Variants in CDH13 observed in about 807,000 individuals in gnomAD.
CDH13 encodes the protein cadherin-13.
A neutral mutation model predicts 63.8 loss-of-function variants in CDH13; 24 were observed. The observed-to-expected ratio is 0.38, with a 90% CI of 0.27 to 0.53. The LOEUF (loss-of-function observed/expected upper bound fraction) is 0.53, where lower values mean the gene tolerates loss of function less well. Ranked by LOEUF, CDH13 falls within the 20% of genes least tolerant of loss-of-function variation. The pLI, the probability that CDH13 is intolerant of heterozygous loss-of-function variation, is 0.85. For synonymous variants in CDH13, 503 were observed against 355.3 expected, an observed-to-expected ratio of 1.42 and a Z score of -4.67; for missense variants, 1,049 against 903.1, an observed-to-expected ratio of 1.16 and a Z score of -2.07.
chr16:82,702,506 C>T (rs1321174775), intron 1 of CDH13, among the ~76,000 whole-genome samples: 1 of 152,140 alleles, frequency 6.6e-6, no homozygotes, highest in East Asian at 1.9e-4. Context: ...TGATTCTGGA[C>T]TTGCCATTCA....
At chr16:83,185,972 G>A (rs764160922) in intron 4 of CDH13, among the ~76,000 whole-genome samples, 1 of 151,988 alleles carries the variant, frequency 6.6e-6, no homozygotes, top group Non-Finnish European at 1.5e-5. Flanking sequence ...ATTGTCTAAT[G>A]GAAGAAAAGA....
intron 6 of CDH13, among the ~76,000 whole-genome samples, chr16:83,407,764 G>T (rs982677035): frequency 1.3e-5 from 2 of 152,118 alleles, no homozygotes; most frequent in Admixed American, 6.5e-5. Context: ...AAAAATTATT[G>T]TTCTCCTAAA....
At chr16:82,999,412 T>C (rs1388071580) in intron 2 of CDH13, among the ~76,000 whole-genome samples, 1 of 152,130 alleles carries the variant, frequency 6.6e-6, no homozygotes, top group Admixed American at 6.5e-5. Context: ...TTCAGTTCTC[T>C]TAACAGGGAA....
At chr16:82,799,843 A>G (rs66513368) in intron 1 of CDH13, among the ~76,000 whole-genome samples, 13,262 of 152,230 alleles carry the variant, frequency 0.087, 657 homozygotes, top group South Asian at 0.11. Context: ...GTCTCTGCCT[A>G]TCTACTGATG....
chr16:82,910,235 T>C (rs2041786496), intron 2 of CDH13, among the ~76,000 whole-genome samples: 1 of 152,180 alleles, frequency 6.6e-6, no homozygotes. Context: ...TCATGCAGAC[T>C]TTGGAACTAC....
intron 6 of CDH13, among the ~76,000 whole-genome samples, chr16:83,461,296 A>G (rs2073175986): frequency 1.3e-5 from 2 of 152,152 alleles, no homozygotes; most frequent in Admixed American, 1.3e-4. Context: ...TCAGCTATGT[A>G]ACATTTATCA....
intron 5 of CDH13, among the ~76,000 whole-genome samples, chr16:83,258,722 G>T (rs1292541341): frequency 2.0e-5 from 3 of 152,206 alleles, no homozygotes. Context: ...ACCAACAGGG[G>T]TGTTTGTATG....
Position 83,365,645 on chromosome 16 carries a change from G to A in CDH13, c.781+20639G>A, listed in dbSNP as rs145828265. Among the ~76,000 whole-genome samples the A allele has an allele frequency of 1.7e-3, 256 of 152,278 alleles. 2 individuals carry two copies. Among genetic ancestry groups the A allele is most frequent in the African/African-American group, 5.3e-3 (222 of 41,560 alleles). On this transcript the variant is annotated intron_variant, in intron 6 of 13. Coordinates refer to ENST00000567109, the MANE Select transcript of CDH13 (RefSeq NM_001257.5). ...ACCTTAAAACAAGGAGGTTACCCGGGATTATCCAGGTGGACCCAGGTAATC... is the reference window on the plus strand; with the variant it reads ...ACCTTAAAACAAGGAGGTTACCCGGAATTATCCAGGTGGACCCAGGTAATC...
intron 6 of CDH13, among the ~76,000 whole-genome samples, chr16:83,350,630 A>G (rs1358149788): frequency 1.3e-5 from 2 of 152,162 alleles, no homozygotes; most frequent in African/African-American, 4.8e-5. Flanking sequence ...TGAATGTGCA[A>G]CACTGGACCT....
At chr16:83,325,966 A>G (rs567110276) in intron 5 of CDH13, among the ~76,000 whole-genome samples, 20 of 152,284 alleles carry the variant, frequency 1.3e-4, no homozygotes, top group Middle Eastern at 3.4e-3. Flanking sequence ...AGTAAATGCT[A>G]AACTGAAAGA....
In CDH13 at chr16:83,563,821, A is replaced by G. The variant is rs556550254; in HGVS notation, c.961-38633A>G. ...TGCTCCCTGGCAGAGCTGACCTACC[A>G]TCTCTCTCGGTAACTTGGCACCACT... On this transcript the variant is annotated intron_variant, in intron 7 of 13. Transcript: ENST00000567109. 2.0e-5 allele frequency among the ~76,000 whole-genome samples: 3 copies of G among 151,940 alleles called. No homozygotes were observed. In the South Asian group the frequency reaches 6.3e-4, roughly 32 times the overall value.
At chr16:82,797,459 C>G (rs1024780818) in intron 1 of CDH13, among the ~76,000 whole-genome samples, 2 of 152,170 alleles carry the variant, frequency 1.3e-5, no homozygotes, top group Admixed American at 1.3e-4. Flanking sequence ...TCATCACTGC[C>G]TTCCTCAAGA....
chr16:83,198,263 G>A (rs139733969), intron 4 of CDH13, among the ~76,000 whole-genome samples: 2,086 of 151,376 alleles, frequency 0.014, 19 homozygotes, highest in Non-Finnish European at 0.02. Context: ...TTCTGAAATA[G>A]TCTCCTCATG....
At chr16:82,776,818 G>C (rs1417393541) in intron 1 of CDH13, among the ~76,000 whole-genome samples, 1 of 152,130 alleles carries the variant, frequency 6.6e-6, no homozygotes, top group Non-Finnish European at 1.5e-5. Flanking sequence ...CTTCAACCTG[G>C]GGTGAAGACA....
chr16:83,389,565 T>A (rs1364454439), intron 6 of CDH13, among the ~76,000 whole-genome samples: 1 of 152,212 alleles, frequency 6.6e-6, no homozygotes, highest in Non-Finnish European at 1.5e-5. Flanking sequence ...ATTCTCCACA[T>A]AATGCTGCCT....
chr16:83,658,470 T>C (rs1697275874), intron 8 of CDH13, among the ~76,000 whole-genome samples: 1 of 137,290 alleles, frequency 7.3e-6, no homozygotes, highest in Non-Finnish European at 1.6e-5. Flanking sequence ...TCCCATGTCC[T>C]CACCACCAGG....
chr16:83,359,143 G>T (rs2091111553), intron 6 of CDH13, among the ~76,000 whole-genome samples: 1 of 152,060 alleles, frequency 6.6e-6, no homozygotes, highest in Admixed American at 6.6e-5. Flanking sequence ...AGTTCATCAG[G>T]GAGATCAATG....
At chr16:83,545,733 C>G (rs747778667) in intron 7 of CDH13, among the ~76,000 whole-genome samples, 7 of 152,198 alleles carry the variant, frequency 4.6e-5, no homozygotes, top group Non-Finnish European at 5.9e-5. Flanking sequence ...ATATTTATAT[C>G]AAGCAAGCCC....
chr16:82,657,984 C>G (rs1340998123), intron 1 of CDH13, among the ~76,000 whole-genome samples: 2 of 152,136 alleles, frequency 1.3e-5, no homozygotes, highest in African/African-American at 4.8e-5. Context: ...CACATCCTTG[C>G]CTTGCTACTG....
Sources: allele counts gnomAD v4.1 joint callset (sites outside exome capture counted in the v4.1 genomes callset), GRCh38; gene constraint gnomAD v4.1.1; transcripts MANE v1.5; gene names NCBI Gene and HGNC (gene_info 2026-07-23, HGNC 2026-07-21).